CDK13: variants seen among roughly 807,000 people sequenced by gnomAD.
CDK13 encodes the protein cyclin dependent kinase 13, also known as cyclin-dependent kinase 13.
In CDK13, 40 loss-of-function variants were observed where a neutral mutation model predicts 137.6. The ratio of observed to expected loss-of-function variants is 0.29; its 90% confidence interval spans 0.23 to 0.38. CDK13 has a LOEUF of 0.38. CDK13 is among the 10% of genes least tolerant of loss of function. The pLI is 1.00. For missense variants in CDK13, 1,704 were observed against 1,951.8 expected, an observed-to-expected ratio of 0.87 and a Z score of 2.39; for synonymous variants, 869 against 760.1, an observed-to-expected ratio of 1.14 and a Z score of -2.36.
intron 2 of CDK13, 71 bp from the exon 3 acceptor site, chr7:39,997,423 G>A: frequency 8.9e-7 from 1 of 1,126,626 alleles, no homozygotes; most frequent in Admixed American, 2.2e-5. Flanking sequence ...CTACTTAAAT[G>A]TAAGTCATAA....
At chr7:39,977,276 T>A (rs111590478) in intron 1 of CDK13, among the ~76,000 whole-genome samples, 14 of 152,336 alleles carry the variant, frequency 9.2e-5, no homozygotes, top group African/African-American at 3.1e-4. Flanking sequence ...AGACAAATTA[T>A]GCAGTACCTT....
chr7:40,072,133 T>G (rs1265819308), intron 9 of CDK13: 1 of 152,186 alleles, frequency 6.6e-6, no homozygotes, highest in Non-Finnish European at 1.5e-5. Flanking sequence ...CTTCAACAAG[T>G]ACATTCTTTT....
intron 5 of CDK13, among the ~76,000 whole-genome samples, chr7:40,029,521 A>G (rs1785319476): frequency 1.3e-5 from 2 of 151,706 alleles, no homozygotes; most frequent in African/African-American, 4.8e-5. Context: ...AGAGATTGAG[A>G]TCATCCTGGC....
intron 5 of CDK13, among the ~76,000 whole-genome samples, chr7:40,005,371 T>A (rs1355010390): frequency 1.3e-5 from 2 of 151,538 alleles, no homozygotes; most frequent in Non-Finnish European, 2.9e-5. Flanking sequence ...CTCATTGCAA[T>A]CTCTGCCTCT....
intron 5 of CDK13, among the ~76,000 whole-genome samples, chr7:40,005,288 G>T (rs1377813465): frequency 1.3e-5 from 1 of 74,342 alleles, no homozygotes; most frequent in Non-Finnish European, 2.4e-5. Context: ...TATTTAAAGT[G>T]AATTTTTTTT....
In CDK13 at chr7:39,951,441, G is replaced by A. The variant is rs1787192052; in HGVS notation, c.800G>A (p.Ser267Asn). The A allele has an allele frequency of 1.3e-6, 2 of 1,537,632 alleles. No homozygotes were observed. Among genetic ancestry groups the A allele is most frequent in the South Asian group, 1.2e-5 (1 of 83,240 alleles). ...RRKSASATSS[S>N]SSSRKDRDSK... is the part of the protein sequence containing the mutation. The stretch of plus-strand genomic sequence containing the variant: ...AAAAGCGCTTCGGCCACATCCAGCA[G>A]CAGTAGCAGCCGCAAGGACCGGGAC... The change falls in exon 1 of 14, where the codon AGC becomes AAC. Residue 267 changes from serine (S) to asparagine (N), a missense_variant. Ser to Asn is a conservative substitution (Grantham distance 46). Around this residue, in one of 5 missense-constraint regions of CDK13, gnomAD observed 1,051 missense variants for 931.0 expected, o/e 1.13. Transcript: ENST00000181839.
rs76882576 is a variant in CDK13 at position 40,041,898 on chromosome 7, T to C, written c.2354-3938T>C. On this transcript the variant is annotated intron_variant, in intron 5 of 13. Coordinates refer to ENST00000181839, the MANE Select transcript of CDK13 (RefSeq NM_003718.5). The stretch of plus-strand genomic sequence containing the variant: ...AGTGATCATGCTTACAGCTAAATCT[T>C]TGCAGTCTTGCCACGTGAAAGAGTA... Among the ~76,000 whole-genome samples, 364 of 152,336 alleles carry C rather than the reference T, an allele frequency of 2.4e-3. 1 individual carries two copies. Among genetic ancestry groups the C allele is most frequent in the Non-Finnish European group, 3.9e-3 (265 of 68,034 alleles).
At chr7:40,078,919 A>AT (rs1352192305) in intron 11 of CDK13, 68 bp downstream of exon 11, 6 of 526,966 alleles carry the variant, frequency 1.1e-5, no homozygotes, top group Non-Finnish European at 1.6e-5. Flanking sequence ...AACAGTTTTA[A>AT]TAACATATAT....
rs762702944 is a variant in CDK13 at position 40,069,338 on chromosome 7, C to T, written c.2780+6238C>T. The T allele has an allele frequency of 1.1e-5, 5 of 455,994 alleles. No homozygotes were observed. In the East Asian group the frequency reaches 2.8e-4, roughly 25 times the overall value. 28.2% of individuals were successfully genotyped at this position (455,994 alleles called of 1,614,324 possible). On this transcript the variant is annotated intron_variant, in intron 9 of 13. Transcript: ENST00000181839. ...TGAAGAAAATGAAGTTTCTGATAAACAAATCTGACTATAATGAGGCAACGG... is the reference window on the plus strand; with the variant it reads ...TGAAGAAAATGAAGTTTCTGATAAATAAATCTGACTATAATGAGGCAACGG...
chr7:40,013,439 G>T (rs748933503), intron 5 of CDK13, among the ~76,000 whole-genome samples: 1 of 152,154 alleles, frequency 6.6e-6, no homozygotes, highest in Non-Finnish European at 1.5e-5. Flanking sequence ...AAAATTAAAC[G>T]AGATGAAGTA....
intron 1 of CDK13, among the ~76,000 whole-genome samples, chr7:39,972,131 C>T (rs868669319): frequency 6.6e-6 from 1 of 152,160 alleles, no homozygotes; most frequent in Non-Finnish European, 1.5e-5. Context: ...AAGACAAACA[C>T]AGAATTTATG....
chr7:39,980,086 C>G (rs532786923), intron 1 of CDK13, among the ~76,000 whole-genome samples: 32 of 152,298 alleles, frequency 2.1e-4, no homozygotes, highest in African/African-American at 7.7e-4. Flanking sequence ...AAACTGCTGA[C>G]TTTGTGGAGT....
intron 2 of CDK13, among the ~76,000 whole-genome samples, chr7:39,997,178 A>G (rs574274870): frequency 5.3e-5 from 8 of 152,218 alleles, no homozygotes; most frequent in Non-Finnish European, 7.4e-5. Flanking sequence ...CAGTTTCTTT[A>G]CTGTTAATAT....
intron 7 of CDK13, among the ~76,000 whole-genome samples, chr7:40,059,811 T>C (rs1026369119): frequency 1.2e-4 from 19 of 152,224 alleles, no homozygotes; most frequent in African/African-American, 4.6e-4. Context: ...TGAATGTTTG[T>C]TTGCTTCATA....
intron 11 of CDK13, among the ~76,000 whole-genome samples, chr7:40,081,297 C>G (rs1684461562): frequency 6.6e-6 from 1 of 152,124 alleles, no homozygotes; most frequent in African/African-American, 2.4e-5. Flanking sequence ...GTAATGGTAA[C>G]TTTGACCAAG....
chr7:40,009,226 T>C (rs548755816), intron 5 of CDK13, among the ~76,000 whole-genome samples: 1 of 152,386 alleles, frequency 6.6e-6, no homozygotes, highest in Non-Finnish European at 1.5e-5. Context: ...TATTGTCTTA[T>C]TTAATAAAAT....
chr7:40,021,857 T>C (rs13230434), intron 5 of CDK13, among the ~76,000 whole-genome samples: 3,729 of 152,300 alleles, frequency 0.024, 65 homozygotes, highest in Non-Finnish European at 0.033. Context: ...CAGATAGTTA[T>C]TTCTGTTGGT....
chr7:40,081,916 T>C (rs1211488816), intron 11 of CDK13, among the ~76,000 whole-genome samples: 1 of 152,060 alleles, frequency 6.6e-6, no homozygotes, highest in Non-Finnish European at 1.5e-5. Context: ...CCAGCCCAAA[T>C]ATTTCCATTT....
At chr7:40,053,417 G>A (rs1218989086) in intron 7 of CDK13, among the ~76,000 whole-genome samples, 1 of 152,008 alleles carries the variant, frequency 6.6e-6, no homozygotes, top group Non-Finnish European at 1.5e-5. Context: ...TGGTTTTTCT[G>A]TCCTCTGGTC....
Sources: allele counts gnomAD v4.1 joint callset (sites outside exome capture counted in the v4.1 genomes callset), GRCh38; gene constraint gnomAD v4.1.1; regional missense constraint gnomAD v4.1.1; transcripts MANE v1.5; gene names NCBI Gene and HGNC (gene_info 2026-07-23, HGNC 2026-07-21).